Variants in TMEM135 observed in about 807,000 individuals in gnomAD.
The protein encoded by TMEM135 is transmembrane protein 135, also known as peroxisomal membrane protein 52.
A neutral mutation model predicts 60.3 loss-of-function variants in TMEM135; 30 were observed. The ratio of observed to expected loss-of-function variants is 0.50; its 90% CI spans 0.37 to 0.68. The LOEUF is 0.68. Ranked by LOEUF, TMEM135 falls within the 30% of genes least tolerant of loss-of-function variation. TMEM135 has a pLI of 0.00. For missense variants in TMEM135, 468 were observed against 548.8 expected (o/e 0.85, Z 1.47); for synonymous variants, 190 against 186.7 (o/e 1.02, Z -0.14).
chr11:87,315,122 CT>C lies in TMEM135; in HGVS notation c.1077+576del, dbSNP rs201557927. On this transcript the variant is annotated intron_variant, in intron 12 of 14. Coordinates refer to ENST00000305494, the MANE Select transcript of TMEM135 (RefSeq NM_022918.4). ...CTTGTAGTTTATAATAGTTACCCCC[CT>C]ACTACTGCTGCTACTGCTTTTCTTC... Among the ~76,000 whole-genome samples the C allele has an allele frequency of 1.7e-3, 262 of 151,684 alleles. 6 individuals are homozygous for C. The East Asian group carries it at 0.046, about 27-fold the overall frequency.
At chr11:87,063,087 G>C (rs1436871371) in intron 1 of TMEM135, among the ~76,000 whole-genome samples, 2 of 152,250 alleles carry the variant, frequency 1.3e-5, no homozygotes, top group African/African-American at 2.4e-5. Context: ...GTATCCAAAA[G>C]TGAAAAGAAG....
At position 87,199,213 on chromosome 11, in the gene TMEM135, A is replaced by G. The variant is rs142514466; in HGVS notation, c.463-37425A>G. On this transcript the variant is annotated intron_variant, in intron 5 of 14. Coordinates refer to ENST00000305494, the MANE Select transcript of TMEM135 (RefSeq NM_022918.4). ...TGTCGCTACTAAAAATACAAAAATT[A>G]GCTGGGCATGGTGGAACTCCTGACC... Among the ~76,000 whole-genome samples the G allele has an allele frequency of 5.7e-3, 868 of 152,248 alleles. 7 individuals carry two copies. Among genetic ancestry groups the G allele is most frequent in the African/African-American group, 0.019 (807 of 41,554 alleles).
At chr11:87,075,102 G>A (rs1323536669) in intron 3 of TMEM135, among the ~76,000 whole-genome samples, 1 of 151,930 alleles carries the variant, frequency 6.6e-6, no homozygotes, top group African/African-American at 2.4e-5. Flanking sequence ...CAGTAGCTGG[G>A]ACTACAGGTG....
chr11:87,119,537 T>C (rs1267050164), intron 4 of TMEM135, among the ~76,000 whole-genome samples: 2 of 152,226 alleles, frequency 1.3e-5, no homozygotes, highest in African/African-American at 4.8e-5. Flanking sequence ...ATGATGTCTT[T>C]ACTAAAAGTA....
chr11:87,202,614 T>C (rs1940138808), intron 5 of TMEM135, among the ~76,000 whole-genome samples: 1 of 152,084 alleles, frequency 6.6e-6, no homozygotes, highest in Non-Finnish European at 1.5e-5. Context: ...CATATGTGTG[T>C]ATGTAAAATA....
chr11:87,236,797 C>G, intron 6 of TMEM135, 113 bp downstream of exon 6: 2 of 1,040,492 alleles, frequency 1.9e-6, no homozygotes, highest in Non-Finnish European at 3.0e-6. Flanking sequence ...AAGCAGCATA[C>G]TCCCCCCGCA....
At chr11:87,258,729 C>T in intron 6 of TMEM135, 1 of 395,168 alleles carries the variant, frequency 2.5e-6, no homozygotes, top group South Asian at 2.3e-5. Context: ...GATTTCTTCC[C>T]ACCAGGTTTA....
chr11:87,116,637 A>G (rs1857888965), intron 4 of TMEM135, among the ~76,000 whole-genome samples: 1 of 97,346 alleles, frequency 1.0e-5, no homozygotes, highest in Non-Finnish European at 2.3e-5. Context: ...ACATACACAC[A>G]CACACACACA....
At chr11:87,294,104 G>C (rs1942310889) in intron 6 of TMEM135, among the ~76,000 whole-genome samples, 1 of 152,090 alleles carries the variant, frequency 6.6e-6, no homozygotes, top group South Asian at 2.1e-4. Flanking sequence ...GCATTTCTCT[G>C]ATGATCATTA....
At chr11:87,228,774 A>G (rs140754449) in intron 5 of TMEM135, among the ~76,000 whole-genome samples, 176 of 152,290 alleles carry the variant, frequency 1.2e-3, no homozygotes, top group African/African-American at 4.0e-3. Flanking sequence ...TTTAAAATGG[A>G]TATATGTTTT....
rs539478740 is a variant in TMEM135, at chr11:87,297,133, G to C, written c.551+1310G>C. On this transcript the variant is annotated intron_variant, in intron 7 of 14. Transcript: ENST00000305494. Reference sequence around the variant, plus strand: ...AGACAATAAAGACTAGAATTTGGGTGATAGTGGGAGGATTAAAGAGAAGGA... The same window carrying C: ...AGACAATAAAGACTAGAATTTGGGTCATAGTGGGAGGATTAAAGAGAAGGA... 1.4e-4 allele frequency among the ~76,000 whole-genome samples: 22 copies of C among 152,280 alleles called. No homozygotes were observed. The South Asian group carries it at 4.6e-3, about 32-fold the overall frequency.
chr11:87,123,719 C>T (rs1178397553), intron 4 of TMEM135, among the ~76,000 whole-genome samples: 1 of 152,110 alleles, frequency 6.6e-6, no homozygotes, highest in Non-Finnish European at 1.5e-5. Flanking sequence ...CCAGAGTTGC[C>T]TTTTTATTTA....
chr11:87,166,571 C>A (rs1040412043), intron 5 of TMEM135, among the ~76,000 whole-genome samples: 2 of 151,720 alleles, frequency 1.3e-5, no homozygotes, highest in Non-Finnish European at 2.9e-5. Context: ...AATCCTTTTC[C>A]CATTGCTTGC....
intron 5 of TMEM135, chr11:87,178,608 T>TGG: frequency 2.4e-6 from 1 of 423,706 alleles, no homozygotes; most frequent in Non-Finnish European, 4.7e-6. Context: ...GTATTTTTAG[T>TGG]AGAGACGGGA....
intron 3 of TMEM135, among the ~76,000 whole-genome samples, chr11:87,080,103 G>A (rs754830673): frequency 2.7e-5 from 4 of 149,640 alleles, no homozygotes; most frequent in Non-Finnish European, 5.9e-5. Flanking sequence ...GCTTCCCAAT[G>A]TGCTGAGATT....
chr11:87,225,212 C>T (rs966867549), intron 5 of TMEM135, among the ~76,000 whole-genome samples: 1 of 152,122 alleles, frequency 6.6e-6, no homozygotes, highest in Non-Finnish European at 1.5e-5. Context: ...CATGACAGCT[C>T]ATGGGCTTTG....
At chr11:87,144,145 A>G (rs1487020447) in intron 4 of TMEM135, among the ~76,000 whole-genome samples, 1 of 152,216 alleles carries the variant, frequency 6.6e-6, no homozygotes, top group Non-Finnish European at 1.5e-5. Flanking sequence ...TAAAATAAAA[A>G]AAACTACAGA....
At chr11:87,054,695 G>A (rs974563931) in intron 1 of TMEM135, among the ~76,000 whole-genome samples, 3 of 152,100 alleles carry the variant, frequency 2.0e-5, no homozygotes, top group Non-Finnish European at 2.9e-5. Flanking sequence ...TCCACTTTGG[G>A]AGTTTCCTTG....
At chr11:87,147,238 G>T (rs1389076818) in intron 4 of TMEM135, among the ~76,000 whole-genome samples, 1 of 152,106 alleles carries the variant, frequency 6.6e-6, no homozygotes, top group South Asian at 2.1e-4. Flanking sequence ...CACAAGAATC[G>T]CTTGAACCTG....
Sources: gnomAD v4.1 joint callset for allele counts (sites outside exome capture counted in the v4.1 genomes callset) on GRCh38, gnomAD v4.1.1 for gene constraint, MANE v1.5 for transcripts, NCBI Gene and HGNC (gene_info 2026-07-23, HGNC 2026-07-21) for gene names.